GRIA4: variants seen among roughly 807,000 people sequenced by gnomAD.
The protein encoded by GRIA4 is glutamate receptor 4.
A neutral mutation model predicts 104.0 loss-of-function variants in GRIA4; 34 were observed. The ratio of observed to expected loss-of-function variants is 0.33; its 90% CI spans 0.25 to 0.44. GRIA4 has a LOEUF of 0.44. Ranked by LOEUF, GRIA4 falls within the 20% of genes least tolerant of loss-of-function variation. The probability of loss-of-function intolerance (pLI) is 1.00; values close to 1 mark genes in which losing one functional copy is unlikely to be tolerated. For synonymous variants in GRIA4, 386 were observed against 381.9 expected (o/e 1.01, Z -0.13); for missense variants, 750 against 1,096.5 (o/e 0.68, Z 4.46).
intron 3 of GRIA4, chr11:105,614,220 C>G (rs981387916): frequency 1.3e-5 from 2 of 151,366 alleles, no homozygotes; most frequent in African/African-American, 4.8e-5. Context: ...GATTTCCTTA[C>G]AAGTGGCAGA....
chr11:105,752,313 A>AAAAG (rs1940047088), intron 3 of GRIA4, among the ~76,000 whole-genome samples: 1 of 152,128 alleles, frequency 6.6e-6, no homozygotes, highest in African/African-American at 2.4e-5. Flanking sequence ...CGGCCCGCCT[A>AAAAG]CAACATGCGC....
At chr11:105,755,211 G>A (rs1195815957) in intron 4 of GRIA4, among the ~76,000 whole-genome samples, 1 of 152,000 alleles carries the variant, frequency 6.6e-6, no homozygotes, top group Non-Finnish European at 1.5e-5. Context: ...TTTAGTGTAT[G>A]CATGTCTTTT....
chr11:105,646,057 C>G (rs1056245124), intron 3 of GRIA4, among the ~76,000 whole-genome samples: 1 of 152,136 alleles, frequency 6.6e-6, no homozygotes, highest in Non-Finnish European at 1.5e-5. Flanking sequence ...AGAGATGGTA[C>G]TGTGATATTA....
intron 4 of GRIA4, among the ~76,000 whole-genome samples, chr11:105,796,833 T>G (rs1043490065): frequency 6.6e-6 from 1 of 152,184 alleles, no homozygotes; most frequent in Non-Finnish European, 1.5e-5. Context: ...CTTTCTTTTC[T>G]TTACAATGTA....
At chr11:105,938,583 T>C (rs952387988) in intron 14 of GRIA4, among the ~76,000 whole-genome samples, 1 of 152,164 alleles carries the variant, frequency 6.6e-6, no homozygotes, top group Non-Finnish European at 1.5e-5. Flanking sequence ...TAGTGCCATA[T>C]TAAAAGATGC....
intron 9 of GRIA4, among the ~76,000 whole-genome samples, chr11:105,906,152 T>C (rs1947034583): frequency 6.6e-6 from 1 of 152,238 alleles, no homozygotes; most frequent in Non-Finnish European, 1.5e-5. Flanking sequence ...ATGAAATGCC[T>C]GCTGTGTCCT....
At chr11:105,823,609 T>G (rs1337060033) in intron 4 of GRIA4, among the ~76,000 whole-genome samples, 2 of 152,034 alleles carry the variant, frequency 1.3e-5, no homozygotes, top group African/African-American at 4.8e-5. Context: ...TAAATAAATC[T>G]AAAATTAAAT....
At chr11:105,816,842 T>A (rs972636080) in intron 4 of GRIA4, among the ~76,000 whole-genome samples, 1 of 151,914 alleles carries the variant, frequency 6.6e-6, no homozygotes, top group Non-Finnish European at 1.5e-5. Context: ...TGAGACCCCA[T>A]GTCTACAAAA....
chr11:105,970,900 T>G (rs1285392210), intron 14 of GRIA4, among the ~76,000 whole-genome samples: 1 of 152,206 alleles, frequency 6.6e-6, no homozygotes, highest in Non-Finnish European at 1.5e-5. Context: ...GAAAGAATTA[T>G]TAAATTCCTT....
At chr11:105,872,029 G>A (rs953534487) in intron 5 of GRIA4, among the ~76,000 whole-genome samples, 61 of 152,042 alleles carry the variant, frequency 4.0e-4, no homozygotes, top group African/African-American at 1.5e-3. Context: ...TAATGCTCTA[G>A]GAAGAATGTC....
intron 3 of GRIA4, among the ~76,000 whole-genome samples, chr11:105,649,510 CT>C (rs1565433703): frequency 6.6e-6 from 1 of 152,120 alleles, no homozygotes; most frequent in Non-Finnish European, 1.5e-5. Context: ...GAGCCAAACA[CT>C]TCAGCTTTCT....
intron 4 of GRIA4, among the ~76,000 whole-genome samples, chr11:105,794,556 A>G (rs1942400129): frequency 1.4e-5 from 2 of 139,100 alleles, no homozygotes; most frequent in African/African-American, 2.6e-5. Context: ...AGATATATAC[A>G]TATCTATCTA....
intron 3 of GRIA4, among the ~76,000 whole-genome samples, chr11:105,661,060 C>T (rs1951993842): frequency 8.5e-6 from 1 of 117,226 alleles, no homozygotes; most frequent in African/African-American, 3.0e-5. Flanking sequence ...GAAGCAAACG[C>T]TAGAAGCCCT....
chr11:105,620,552 A>G (rs1271556303), intron 3 of GRIA4, among the ~76,000 whole-genome samples: 1 of 151,762 alleles, frequency 6.6e-6, no homozygotes, highest in Non-Finnish European at 1.5e-5. Context: ...TGATTTCAAG[A>G]TGTTTTTCTT....
At chr11:105,693,897 G>T (rs1953175744) in intron 3 of GRIA4, among the ~76,000 whole-genome samples, 1 of 152,088 alleles carries the variant, frequency 6.6e-6, no homozygotes, top group African/African-American at 2.4e-5. Context: ...GAGTAGTTAT[G>T]ATTGTATGAC....
intron 5 of GRIA4, among the ~76,000 whole-genome samples, chr11:105,863,390 A>AT (rs1945296632): frequency 1.4e-5 from 2 of 141,282 alleles, no homozygotes; most frequent in African/African-American, 6.2e-5. Context: ...AGAAAAAGCT[A>AT]AATATATATA....
intron 3 of GRIA4, among the ~76,000 whole-genome samples, chr11:105,732,213 C>T (rs1048877780): frequency 2.0e-5 from 3 of 152,068 alleles, no homozygotes; most frequent in African/African-American, 7.2e-5. Context: ...GTGGCTACTC[C>T]AGGAGAGTGC....
intron 4 of GRIA4, among the ~76,000 whole-genome samples, chr11:105,861,753 T>C (rs983993295): frequency 6.6e-6 from 1 of 152,172 alleles, no homozygotes; most frequent in Non-Finnish European, 1.5e-5. Context: ...ATCAAAAAAA[T>C]GTCTACAGCA....
At chr11:105,683,929 C>T (rs1952788836) in intron 3 of GRIA4, among the ~76,000 whole-genome samples, 1 of 151,776 alleles carries the variant, frequency 6.6e-6, no homozygotes, top group South Asian at 2.1e-4. Flanking sequence ...GGCTGGAGTG[C>T]AATGGCGCCA....
Sources: gnomAD v4.1 joint callset for allele counts (sites outside exome capture counted in the v4.1 genomes callset) on GRCh38, gnomAD v4.1.1 for gene constraint, MANE v1.5 for transcripts, NCBI Gene and HGNC (gene_info 2026-07-23, HGNC 2026-07-21) for gene names.